GRIN2B: variants seen among roughly 807,000 people sequenced by gnomAD.
GRIN2B encodes the protein glutamate receptor ionotropic, NMDA 2B.
GRIN2B carries 5 observed loss-of-function variants against 114.5 expected under a neutral mutation model. That is an observed-to-expected ratio of 0.04 (90% CI 0.02 to 0.09). The LOEUF (loss-of-function observed/expected upper bound fraction) is 0.09, where lower values mean the gene tolerates loss of function less well. Ranked by LOEUF, GRIN2B falls within the 10% of genes least tolerant of loss-of-function variation. The pLI is 1.00. For missense variants in GRIN2B, 1,108 were observed against 1,943.5 expected, an observed-to-expected ratio of 0.57 and a Z score of 8.08; for synonymous variants, 787 against 745.1, an observed-to-expected ratio of 1.06 and a Z score of -0.92.
chr12:13,846,941 A>G (rs1227953012), intron 3 of GRIN2B, among the ~76,000 whole-genome samples: 1 of 152,148 alleles, frequency 6.6e-6, no homozygotes, highest in Non-Finnish European at 1.5e-5. Flanking sequence ...CGAGAGAGAA[A>G]GAGAAAGGAG....
chr12:13,770,872 C>T (rs986971668), intron 3 of GRIN2B, among the ~76,000 whole-genome samples: 8 of 152,172 alleles, frequency 5.3e-5, no homozygotes, highest in Admixed American at 3.3e-4. Flanking sequence ...GAACCAGGGG[C>T]ACCAGCCTCC....
intron 3 of GRIN2B, among the ~76,000 whole-genome samples, chr12:13,779,906 G>A (rs1471149350): frequency 1.3e-5 from 2 of 152,138 alleles, no homozygotes; most frequent in African/African-American, 4.8e-5. Flanking sequence ...TAGTGAGAAG[G>A]CACAATTCCT....
At chr12:13,605,722 GAA>G (rs1949238081) in intron 10 of GRIN2B, among the ~76,000 whole-genome samples, 1 of 152,062 alleles carries the variant, frequency 6.6e-6, no homozygotes, top group African/African-American at 2.4e-5. Flanking sequence ...TCATGGAAAA[GAA>G]AACTATCTTC....
At chr12:13,664,778 G>C (rs180806302) in intron 5 of GRIN2B, among the ~76,000 whole-genome samples, 2 of 152,058 alleles carry the variant, frequency 1.3e-5, no homozygotes, top group East Asian at 1.9e-4. Context: ...TAAAATATTT[G>C]GTTGCTTGTG....
chr12:13,793,065 C>G (rs1171492399), intron 3 of GRIN2B, among the ~76,000 whole-genome samples: 1 of 152,226 alleles, frequency 6.6e-6, no homozygotes, highest in East Asian at 1.9e-4. Flanking sequence ...TTTGTCACGT[C>G]TGTAATTCAG....
intron 6 of GRIN2B, 32 bp downstream of exon 6, chr12:13,616,423 T>C: frequency 6.5e-7 from 1 of 1,547,436 alleles, no homozygotes; most frequent in Non-Finnish European, 8.9e-7. Flanking sequence ...GACTCTCCCA[T>C]GCCACCCAAA....
chr12:13,694,285 T>C (rs1449008029), intron 4 of GRIN2B, among the ~76,000 whole-genome samples: 1 of 152,072 alleles, frequency 6.6e-6, no homozygotes, highest in Non-Finnish European at 1.5e-5. Context: ...TTGGAGAAGC[T>C]CTTCCAAAAC....
In GRIN2B at chr12:13,855,083, T is replaced by G. The variant is rs918191299; in HGVS notation, c.411+10715A>C. ...AAAAAAAAAAAATTGCCTGGCGTGG[T>G]GGTGCATGCCTGTAATCCCAGCTAC... On this transcript the variant is annotated intron_variant, in intron 3 of 13. Coordinates refer to ENST00000609686, the MANE Select transcript of GRIN2B (RefSeq NM_000834.5). Among the ~76,000 whole-genome samples, 4 of 125,180 alleles carry G rather than the reference T, an allele frequency of 3.2e-5. No homozygotes were observed. The South Asian group carries it at 7.5e-4, about 24-fold the overall frequency. The allele number at this position is 125,180 out of a possible 152,430, so 82.1% of individuals were successfully genotyped here. A position where few individuals can be genotyped will look rare whatever the true frequency, so the allele number is the denominator to read the frequency against.
intron 4 of GRIN2B, chr12:13,683,724 G>A (rs1950151828): frequency 6.6e-6 from 1 of 152,358 alleles, no homozygotes; most frequent in Admixed American, 6.5e-5. Flanking sequence ...CCGGTCTTCG[G>A]TCAAGGGTAT....
chr12:13,893,374 T>C (rs889915770), intron 2 of GRIN2B, among the ~76,000 whole-genome samples: 2 of 152,028 alleles, frequency 1.3e-5, no homozygotes, highest in African/African-American at 2.4e-5. Context: ...TAAAAACTAA[T>C]ACTTCCAAAA....
intron 2 of GRIN2B, among the ~76,000 whole-genome samples, chr12:13,878,502 G>A (rs1011706491): frequency 1.3e-5 from 2 of 152,206 alleles, no homozygotes; most frequent in Admixed American, 6.5e-5. Context: ...ATAGCCCTTT[G>A]ACTGAACTAT....
intron 2 of GRIN2B, among the ~76,000 whole-genome samples, chr12:13,939,013 T>A (rs1455477085): frequency 3.9e-5 from 6 of 152,150 alleles, no homozygotes; most frequent in Non-Finnish European, 8.8e-5. Flanking sequence ...AAATGGAGAA[T>A]TAGAACAAAA....
chr12:13,747,611 C>G lies in GRIN2B; in HGVS notation c.1010+5706G>C, dbSNP rs536282812. 6.6e-5 allele frequency among the ~76,000 whole-genome samples: 10 copies of G among 152,282 alleles called. 1 individual carries two copies. Among genetic ancestry groups the G allele is most frequent in the African/African-American group, 2.4e-4 (10 of 41,580 alleles). ...TTTGTGCATATACATAAAAATGTAG[C>G]TTTCCTTAGACTCTGGTGCACTTCT... On this transcript the variant is annotated intron_variant, in intron 4 of 13. Coordinates refer to ENST00000609686, the MANE Select transcript of GRIN2B (RefSeq NM_000834.5).
In GRIN2B at chr12:13,559,567, C is replaced by T. The variant is rs1462985991; in HGVS notation, c.*3216G>A. The T allele has an allele frequency of 2.0e-5, 3 of 152,204 alleles. No individual in the cohort carries two copies. Among genetic ancestry groups the T allele is most frequent in the East Asian group, 1.9e-4 (1 of 5,196 alleles). 9.4% of individuals were successfully genotyped at this position (152,204 alleles called of 1,614,324 possible). A position where few individuals can be genotyped will look rare whatever the true frequency, so the allele number is the denominator to read the frequency against. On this transcript the variant is annotated 3_prime_UTR_variant, in exon 14 of 14. Transcript: ENST00000609686. ...CATTGCTCACATACCCACCCTCCCA[C>T]GTCTAAACCTAACTTCAGCAATCTT...
chr12:13,773,738 A>G (rs1480388051), intron 3 of GRIN2B, among the ~76,000 whole-genome samples: 2 of 152,208 alleles, frequency 1.3e-5, no homozygotes, highest in Non-Finnish European at 2.9e-5. Flanking sequence ...GACTGAGACC[A>G]TGGACAGCAA....
At chr12:13,603,427 G>A (rs971778056) in intron 10 of GRIN2B, among the ~76,000 whole-genome samples, 1 of 152,100 alleles carries the variant, frequency 6.6e-6, no homozygotes, top group African/African-American at 2.4e-5. Context: ...AGGGGCTATA[G>A]TGAGCCAGGA....
intron 2 of GRIN2B, among the ~76,000 whole-genome samples, chr12:13,911,492 A>G (rs1866626582): frequency 6.6e-6 from 1 of 152,206 alleles, no homozygotes; most frequent in South Asian, 2.1e-4. Flanking sequence ...GTTTGTGTCA[A>G]TACTCATTAT....
intron 2 of GRIN2B, among the ~76,000 whole-genome samples, chr12:13,880,746 C>T (rs1866059206): frequency 6.6e-6 from 1 of 152,192 alleles, no homozygotes; most frequent in Non-Finnish European, 1.5e-5. Context: ...GAAAACTTCC[C>T]TCTGCTCACA....
chr12:13,932,952 CGTGTGT>C (rs5796568), intron 2 of GRIN2B, among the ~76,000 whole-genome samples: 11,359 of 148,678 alleles, frequency 0.076, 516 homozygotes, highest in Middle Eastern at 0.12. Flanking sequence ...AGGGCTTTGT[CGTGTGT>C]GTGTGTGTGT....
Sources: gnomAD v4.1 joint callset for allele counts (sites outside exome capture counted in the v4.1 genomes callset) on GRCh38, gnomAD v4.1.1 for gene constraint, MANE v1.5 for transcripts, NCBI Gene and HGNC (gene_info 2026-07-23, HGNC 2026-07-21) for gene names.